Variants in FRMD4B observed in about 807,000 individuals in gnomAD.
FRMD4B encodes FERM domain containing 4B.
In FRMD4B, 74 loss-of-function variants were observed where a neutral mutation model predicts 141.5. The observed-to-expected ratio is 0.52, with a 90% CI of 0.43 to 0.63. FRMD4B has a LOEUF of 0.63. Among genes scored for constraint, FRMD4B ranks in the 30% least tolerant of loss-of-function variants. The probability of loss-of-function intolerance (pLI) is 0.00; values close to 1 mark genes in which losing one functional copy is unlikely to be tolerated. For synonymous variants in FRMD4B, 506 were observed against 467.9 expected, an observed-to-expected ratio of 1.08 and a Z score of -1.05; for missense variants, 1,366 against 1,253.4, an observed-to-expected ratio of 1.09 and a Z score of -1.36.
intron 20 of FRMD4B, among the ~76,000 whole-genome samples, 180 bp from the exon 21 acceptor site, chr3:69,181,890 T>G (rs1388703869): frequency 1.3e-5 from 2 of 152,218 alleles, no homozygotes; most frequent in Non-Finnish European, 2.9e-5. Flanking sequence ...CACATGTAGG[T>G]TCATTTTGAC....
chr3:69,235,886 TTTG>T (rs1362666166), intron 7 of FRMD4B, among the ~76,000 whole-genome samples: 1 of 152,130 alleles, frequency 6.6e-6, no homozygotes, highest in Admixed American at 6.6e-5. Context: ...CTTTAACAAC[TTTG>T]CCTTACTCCT....
At chr3:69,470,710 T>A (rs1325527710) in intron 1 of FRMD4B, among the ~76,000 whole-genome samples, 1 of 152,140 alleles carries the variant, frequency 6.6e-6, no homozygotes, top group Non-Finnish European at 1.5e-5. Flanking sequence ...GCAGTTTCAG[T>A]AACCAGGCTC....
At chr3:69,483,213 A>G (rs1706159594) in intron 1 of FRMD4B, among the ~76,000 whole-genome samples, 1 of 152,148 alleles carries the variant, frequency 6.6e-6, no homozygotes, top group Admixed American at 6.5e-5. Flanking sequence ...CAAAAGGAAG[A>G]CTCCATGTTC....
chr3:69,499,576 G>C (rs909214523), intron 1 of FRMD4B, among the ~76,000 whole-genome samples: 2 of 152,224 alleles, frequency 1.3e-5, no homozygotes, highest in African/African-American at 4.8e-5. Context: ...GCTTTATACT[G>C]ATGATGCAAT....
At chr3:69,181,759 A>G in intron 20 of FRMD4B, 49 bp from the exon 21 acceptor site, 1 of 1,162,152 alleles carries the variant, frequency 8.6e-7, no homozygotes, top group South Asian at 1.4e-5. Flanking sequence ...GAAAAGGAGG[A>G]CCCAAATAAG....
chr3:69,410,726 A>AATATATATATAT (rs767608068), intron 2 of FRMD4B, among the ~76,000 whole-genome samples: 16 of 86,284 alleles, frequency 1.9e-4, no homozygotes, highest in South Asian at 3.8e-4. Context: ...TAAATAAATA[A>AATATATATATAT]ATATATATAT....
chr3:69,302,866 A>C (rs1701262420), intron 3 of FRMD4B, among the ~76,000 whole-genome samples: 1 of 152,190 alleles, frequency 6.6e-6, no homozygotes, highest in Non-Finnish European at 1.5e-5. Context: ...TGAGGTCAGG[A>C]GTTTGAGACC....
At position 69,437,626 on chromosome 3, in the gene FRMD4B, A is replaced by G. The variant is rs1481693234; in HGVS notation, c.-128-4865T>C. Among the ~76,000 whole-genome samples the G allele has an allele frequency of 6.6e-5, 9 of 137,264 alleles. No homozygotes were observed. In the South Asian group the frequency reaches 2.0e-3, roughly 30 times the overall value. 90.1% of individuals were successfully genotyped at this position (137,264 alleles called of 152,430 possible). On this transcript the variant is annotated intron_variant, in intron 1 of 5. Coordinates refer to the FRMD4B transcript ENST00000459638. ...ATAGTATATTATATATACTATATAA[A>G]TATATATACTATATATATACAGAGA...
chr3:69,540,692 C>CACACACACATAT (rs59055951), intron 1 of FRMD4B, among the ~76,000 whole-genome samples: 10 of 128,894 alleles, frequency 7.8e-5, no homozygotes, highest in African/African-American at 2.8e-4. Flanking sequence ...CACACACACA[C>CACACACACATAT]GGCAGTTATT....
chr3:69,283,970 C>CAAAAAAAA (rs146536193), intron 5 of FRMD4B, among the ~76,000 whole-genome samples: 20 of 137,722 alleles, frequency 1.5e-4, no homozygotes, highest in Middle Eastern at 7.3e-3. Flanking sequence ...CAAAACAAAA[C>CAAAAAAAA]AAAACAAAAA....
chr3:69,308,481 G>A lies in FRMD4B; in HGVS notation c.323+2782C>T, dbSNP rs189674812. ...GGGACAGGATCTCACTCTGTCACTTGGGCTGGAGTGCAGTGGTGAGATCAT... is the reference window on the plus strand; with the variant it reads ...GGGACAGGATCTCACTCTGTCACTTAGGCTGGAGTGCAGTGGTGAGATCAT... On this transcript the variant is annotated intron_variant, in intron 3 of 22. Transcript: ENST00000398540. 2.8e-5 allele frequency among the ~76,000 whole-genome samples: 4 copies of A among 144,932 alleles called. No individual in the cohort carries two copies. The East Asian group carries it at 8.3e-4, about 30-fold the overall frequency.
At chr3:69,304,704 G>C (rs979796119) in intron 3 of FRMD4B, among the ~76,000 whole-genome samples, 1 of 152,054 alleles carries the variant, frequency 6.6e-6, no homozygotes, top group Non-Finnish European at 1.5e-5. Context: ...TGCCTTTTCC[G>C]AGCTTGTCCA....
At chr3:69,323,640 A>AGTTGGG (rs1702090425) in intron 1 of FRMD4B, among the ~76,000 whole-genome samples, 1 of 83,248 alleles carries the variant, frequency 1.2e-5, no homozygotes, top group Admixed American at 1.4e-4. Flanking sequence ...ATATATATAT[A>AGTTGGG]TATATATATA....
chr3:69,521,199 A>C (rs1302649536), intron 1 of FRMD4B, among the ~76,000 whole-genome samples: 2 of 152,092 alleles, frequency 1.3e-5, no homozygotes, highest in Non-Finnish European at 2.9e-5. Context: ...ATGTGCACCC[A>C]CTATGGGGGT....
chr3:69,503,806 G>C (rs926081955), intron 1 of FRMD4B, among the ~76,000 whole-genome samples: 5 of 151,918 alleles, frequency 3.3e-5, no homozygotes, highest in African/African-American at 1.2e-4. Flanking sequence ...TTTGTTACCG[G>C]GCAGACCATC....
At chr3:69,501,879 C>A (rs1413040449) in intron 1 of FRMD4B, among the ~76,000 whole-genome samples, 1 of 152,134 alleles carries the variant, frequency 6.6e-6, no homozygotes, top group Non-Finnish European at 1.5e-5. Context: ...TATTCTTATA[C>A]ACCAAAAACA....
chr3:69,332,834 C>T (rs1352375214), intron 1 of FRMD4B, among the ~76,000 whole-genome samples: 5 of 150,850 alleles, frequency 3.3e-5, no homozygotes, highest in South Asian at 2.1e-4. Flanking sequence ...ACAATCCTCC[C>T]GCCTTAAGCG....
At chr3:69,354,014 T>C (rs1703241774) in intron 1 of FRMD4B, among the ~76,000 whole-genome samples, 1 of 152,236 alleles carries the variant, frequency 6.6e-6, no homozygotes, top group East Asian at 1.9e-4. Flanking sequence ...ATGCATGTTC[T>C]GGATGAGGCT....
intron 1 of FRMD4B, among the ~76,000 whole-genome samples, chr3:69,455,281 G>A (rs1429194081): frequency 6.6e-6 from 1 of 152,220 alleles, no homozygotes; most frequent in Non-Finnish European, 1.5e-5. Flanking sequence ...GATAGGTTCA[G>A]GTCTGTTTAC....
Sources: gnomAD v4.1 joint callset for allele counts (sites outside exome capture counted in the v4.1 genomes callset) on GRCh38, gnomAD v4.1.1 for gene constraint, MANE v1.5 for transcripts, NCBI Gene and HGNC (gene_info 2026-07-23, HGNC 2026-07-21) for gene names.